The following CMTR1 variants were observed in gnomAD, a reference collection of about 807,000 sequenced individuals.
CMTR1 encodes the protein cap methyltransferase 1, also known as cap-specific mRNA (nucleoside-2'-O-)-methyltransferase 1.
A neutral mutation model predicts 107.0 loss-of-function variants in CMTR1; 39 were observed. The observed-to-expected ratio is 0.36, with a 90% CI of 0.28 to 0.48. The LOEUF (loss-of-function observed/expected upper bound fraction) is 0.48. Among genes scored for constraint, CMTR1 ranks in the 20% least tolerant of loss-of-function variants. The pLI is 0.99. For missense variants in CMTR1, 672 were observed against 1,064.9 expected, an observed-to-expected ratio of 0.63 and a Z score of 5.14; for synonymous variants, 366 against 379.5, an observed-to-expected ratio of 0.96 and a Z score of 0.41.
In CMTR1 at chr6:37,462,865, T is replaced by A; in HGVS notation, c.1362T>A (p.Asp454Glu). The change falls in exon 13 of 24, where the codon GAT becomes GAA. Residue 454 changes from aspartate (D) to glutamate (E), a missense_variant. This residue lies in a region of CMTR1 where 583 missense variants were observed against 968.4 expected (regional missense o/e 0.60). Coordinates refer to ENST00000373451, the MANE Select transcript of CMTR1 (RefSeq NM_015050.3). ...VVCKGLKVGI[D>E]DVRDYLFAVN... The stretch of plus-strand genomic sequence containing the variant: ...GCAAGGGCCTGAAGGTGGGCATAGA[T>A]GATGTTCGGGATTACCTCTTCGCAG... 4 of 1,613,364 alleles carry A rather than the reference T, an allele frequency of 2.5e-6. No homozygotes were observed. Among genetic ancestry groups the A allele is most frequent in the Non-Finnish European group, 2.5e-6 (3 of 1,180,026 alleles).
At chr6:37,453,164 T>C (rs745859706) in intron 7 of CMTR1, 23 bp downstream of exon 7, 1 of 1,612,592 alleles carries the variant, frequency 6.2e-7, no homozygotes, top group African/African-American at 1.3e-5. Context: ...TTCCCTCCCC[T>C]CCCCTGATGC....
At chr6:37,435,393 C>G (rs1402976053) in intron 1 of CMTR1, among the ~76,000 whole-genome samples, 1 of 152,210 alleles carries the variant, frequency 6.6e-6, no homozygotes, top group African/African-American at 2.4e-5. Flanking sequence ...AGGGCTCTCT[C>G]AGTCTGTGAG....
chr6:37,429,116 C>T (rs546987885), upstream of CMTR1, among the ~76,000 whole-genome samples: 7 of 152,140 alleles, frequency 4.6e-5, no homozygotes, highest in Admixed American at 6.5e-5. Context: ...TTGTTTTTCA[C>T]GTTTGATACT....
chr6:37,448,852 G>C (rs1298080000), intron 4 of CMTR1, among the ~76,000 whole-genome samples: 1 of 152,134 alleles, frequency 6.6e-6, no homozygotes, highest in Non-Finnish European at 1.5e-5. Flanking sequence ...GAATCATCTG[G>C]GGACTTCTGA....
the CMTR1 span, among the ~76,000 whole-genome samples, chr6:37,424,209 C>A: frequency 1.3e-5 from 2 of 151,674 alleles, no homozygotes; most frequent in African/African-American, 4.8e-5. Flanking sequence ...ACTGAGGACT[C>A]CCGTACCCTC....
chr6:37,450,653 G>A (rs1761132670), intron 5 of CMTR1, among the ~76,000 whole-genome samples: 1 of 152,154 alleles, frequency 6.6e-6, no homozygotes, highest in African/African-American at 2.4e-5. Flanking sequence ...TCTGATCACT[G>A]CTAGATGAAA....
the CMTR1 span, among the ~76,000 whole-genome samples, chr6:37,425,221 C>T: frequency 6.6e-6 from 1 of 151,242 alleles, no homozygotes; most frequent in South Asian, 2.1e-4. Flanking sequence ...GGAAATTTTT[C>T]CCTCACTTTT....
At chr6:37,448,169 C>G (rs1771845718) in intron 4 of CMTR1, among the ~76,000 whole-genome samples, 1 of 150,680 alleles carries the variant, frequency 6.6e-6, no homozygotes, top group Non-Finnish European at 1.5e-5. Flanking sequence ...TGAGATTGCG[C>G]CCCTGCACTC....
chr6:37,474,604 C>T lies in CMTR1; in HGVS notation c.1902C>T (p.Asp634=). ...ACCTGAAGACAGAGCTGCCCCGGGA[C>T]ACTCTGCTATCTGTGGAAATTGTGC... is the stretch of plus-strand genomic sequence containing the variant. ...KLDLKTELPR[D]TLLSVEIVHE... The change falls in exon 18 of 24, where the codon GAC becomes GAT. Residue 634 remains aspartate, a synonymous_variant. Coordinates refer to ENST00000373451, the MANE Select transcript of CMTR1 (RefSeq NM_015050.3). The T allele has an allele frequency of 1.2e-6, 2 of 1,614,132 alleles. No individual in the cohort carries two copies. Among genetic ancestry groups the T allele is most frequent in the Non-Finnish European group, 1.7e-6 (2 of 1,180,000 alleles).
intron 4 of CMTR1, among the ~76,000 whole-genome samples, chr6:37,446,856 C>T (rs1329631057): frequency 1.3e-5 from 2 of 152,198 alleles, no homozygotes; most frequent in African/African-American, 4.8e-5. Context: ...TAGGTGCCTT[C>T]TAAGAAGATC....
intron 1 of CMTR1, among the ~76,000 whole-genome samples, chr6:37,433,578 C>T (rs534723812): frequency 6.6e-6 from 1 of 152,388 alleles, no homozygotes; most frequent in East Asian, 1.9e-4. Flanking sequence ...CGTCTCTGCG[C>T]ACACATTCAC....
intron 14 of CMTR1, among the ~76,000 whole-genome samples, 177 bp from the exon 15 acceptor site, chr6:37,471,670 C>T (rs1162895072): frequency 6.6e-6 from 1 of 152,130 alleles, no homozygotes; most frequent in Non-Finnish European, 1.5e-5. Flanking sequence ...CTCCTGTCTT[C>T]AAAAGGAGAG....
At chr6:37,444,826 A>C (rs1581731078) in intron 3 of CMTR1, among the ~76,000 whole-genome samples, 1 of 152,040 alleles carries the variant, frequency 6.6e-6, no homozygotes, top group Non-Finnish European at 1.5e-5. Flanking sequence ...GGAGTTCAAG[A>C]CCAGCCTGGC....
rs1244563352 is a variant in CMTR1 at position 37,481,125 on chromosome 6, T to C, written c.*980T>C. ...TTCCTTTTTCTTCCCTAATAGGAGG[T>C]ACAATCTGCTTTTGTTTGTCGTTAA... On this transcript the variant is annotated 3_prime_UTR_variant, in exon 24 of 24. Coordinates refer to ENST00000373451, the MANE Select transcript of CMTR1 (RefSeq NM_015050.3). 101 of 1,303,890 alleles carry C rather than the reference T, an allele frequency of 7.7e-5. No individual in the cohort carries two copies. Among genetic ancestry groups the C allele is most frequent in the Non-Finnish European group, 1.0e-4 (100 of 988,928 alleles). 80.8% of individuals were successfully genotyped at this position (1,303,890 alleles called of 1,614,324 possible).
rs559943624 is a variant in CMTR1 at position 37,437,343 on chromosome 6, A to G, written c.133+1581A>G. 7.3e-4 allele frequency among the ~76,000 whole-genome samples: 111 copies of G among 151,618 alleles called. 3 individuals carry two copies. The South Asian group carries it at 0.023, about 31-fold the overall frequency. ...AGATCGAGACCATCCTGGCTAACAC[A>G]GTGAAACCCCATCTCTACTAAAAAA... On this transcript the variant is annotated intron_variant, in intron 2 of 23. Coordinates refer to ENST00000373451, the MANE Select transcript of CMTR1 (RefSeq NM_015050.3).
intron 20 of CMTR1, 71 bp from the exon 21 acceptor site, chr6:37,477,521 C>A: frequency 7.0e-7 from 1 of 1,425,728 alleles, no homozygotes; most frequent in Non-Finnish European, 9.9e-7. Context: ...AGTCTCCTGC[C>A]TCCCAGCTGC....
intron 23 of CMTR1, 23 bp from the exon 24 acceptor site, chr6:37,479,990 T>C: frequency 6.4e-7 from 1 of 1,555,792 alleles, no homozygotes; most frequent in Non-Finnish European, 8.6e-7. Context: ...TCCTGACCTC[T>C]TTCCCATCCC....
In CMTR1 at chr6:37,458,820, T is replaced by C. The variant is rs774334666; in HGVS notation, c.976+10T>C. On this transcript the variant is annotated intron_variant, in intron 9 of 23. Coordinates refer to ENST00000373451, the MANE Select transcript of CMTR1 (RefSeq NM_015050.3). The surrounding 1 kb of genome is among the most constrained non-coding windows in gnomAD (Gnocchi z 4.7). ...TTCGAACCCTACTATGGTAGGGACA[T>C]TGAGGAGGGTACTAGGAGGTATGAG... The C allele has an allele frequency of 1.9e-5, 31 of 1,612,854 alleles. No homozygotes were observed. In the African/African-American group the frequency reaches 2.0e-4, roughly 10 times the overall value.
chr6:37,470,995 G>T, intron 13 of CMTR1, 26 bp from the exon 14 acceptor site: 1 of 1,584,392 alleles, frequency 6.3e-7, no homozygotes, highest in Non-Finnish European at 8.6e-7. Context: ...GTAATCCTGA[G>T]ATCAAATAAT....
Sources: allele counts gnomAD v4.1 joint callset (sites outside exome capture counted in the v4.1 genomes callset), GRCh38; gene constraint gnomAD v4.1.1; regional missense constraint gnomAD v4.1.1; non-coding constraint Gnocchi (gnomAD v3.1); transcripts MANE v1.5; gene names NCBI Gene and HGNC (gene_info 2026-07-23, HGNC 2026-07-21).